The following RASAL2 variants were observed in gnomAD, a reference collection of about 807,000 sequenced individuals.
RASAL2 encodes the protein RAS protein activator like 2.
A neutral mutation model predicts 128.9 loss-of-function variants in RASAL2; 58 were observed. That is an observed-to-expected ratio of 0.45 (90% CI 0.36 to 0.56). The LOEUF is 0.56. RASAL2 is among the 20% of genes least tolerant of loss of function. The pLI is 0.00. For missense variants in RASAL2, 1,360 were observed against 1,601.6 expected, an observed-to-expected ratio of 0.85 and a Z score of 2.57; for synonymous variants, 561 against 580.8, an observed-to-expected ratio of 0.97 and a Z score of 0.49.
At chr1:178,386,031 T>G (rs779613842) in intron 3 of RASAL2, among the ~76,000 whole-genome samples, 3 of 152,186 alleles carry the variant, frequency 2.0e-5, no homozygotes, top group African/African-American at 4.8e-5. Flanking sequence ...CTCAAATACA[T>G]GATAGGAATT....
intron 9 of RASAL2, among the ~76,000 whole-genome samples, chr1:178,446,611 TTTCTAA>T (rs1677017872): frequency 6.6e-6 from 1 of 152,220 alleles, no homozygotes; most frequent in African/African-American, 2.4e-5. Context: ...GCACAAGCCA[TTTCTAA>T]TGCTCAACAG....
chr1:178,100,334 G>C (rs1302978003), intron 1 of RASAL2, among the ~76,000 whole-genome samples: 1 of 148,616 alleles, frequency 6.7e-6, no homozygotes, highest in Non-Finnish European at 1.5e-5. Flanking sequence ...TGGCCAACAT[G>C]GTGAAACCTT....
chr1:178,277,147 C>CAAAAAAAAAA (rs61384367), intron 1 of RASAL2, among the ~76,000 whole-genome samples: 1 of 55,142 alleles, frequency 1.8e-5, no homozygotes, highest in Non-Finnish European at 3.5e-5. Flanking sequence ...GATTCCCTCT[C>CAAAAAAAAAA]AAAAAAAAAA....
intron 2 of RASAL2, among the ~76,000 whole-genome samples, chr1:178,292,628 C>T (rs909773656): frequency 1.3e-5 from 2 of 152,134 alleles, no homozygotes; most frequent in South Asian, 4.1e-4. Flanking sequence ...GGCTTGATAC[C>T]AGCCCAGTTC....
At chr1:178,175,321 T>C (rs1661844495) in intron 1 of RASAL2, among the ~76,000 whole-genome samples, 1 of 151,990 alleles carries the variant, frequency 6.6e-6, no homozygotes, top group African/African-American at 2.4e-5. Flanking sequence ...GGGTTTATGA[T>C]GAAAGGGAGA....
At chr1:178,430,358 GA>G (rs1417256296) in intron 5 of RASAL2, among the ~76,000 whole-genome samples, 1 of 151,996 alleles carries the variant, frequency 6.6e-6, no homozygotes, top group African/African-American at 2.4e-5. Flanking sequence ...AAACCCAATT[GA>G]AGTATCTAAT....
intron 1 of RASAL2, among the ~76,000 whole-genome samples, chr1:178,162,487 A>G (rs1456887258): frequency 1.6e-5 from 2 of 124,748 alleles, no homozygotes; most frequent in Non-Finnish European, 3.2e-5. Flanking sequence ...TATTTTATAT[A>G]ATATATATAT....
At chr1:178,281,417 A>T (rs1666778104) in intron 1 of RASAL2, among the ~76,000 whole-genome samples, 1 of 152,126 alleles carries the variant, frequency 6.6e-6, no homozygotes, top group Non-Finnish European at 1.5e-5. Context: ...AGAATATTAG[A>T]CAGTGAGGCT....
intron 1 of RASAL2, among the ~76,000 whole-genome samples, chr1:178,225,018 C>CATG (rs1663739890): frequency 6.6e-6 from 1 of 152,040 alleles, no homozygotes; most frequent in Non-Finnish European, 1.5e-5. Flanking sequence ...TTAAGCAGGT[C>CATG]ATGGAATCCT....
intron 1 of RASAL2, among the ~76,000 whole-genome samples, chr1:178,240,839 A>C (rs1053646245): frequency 6.6e-6 from 1 of 151,524 alleles, no homozygotes; most frequent in African/African-American, 2.4e-5. Flanking sequence ...GAATTATTTT[A>C]TTATAATGTT....
At chr1:178,108,407 A>G (rs1169660185) in intron 1 of RASAL2, among the ~76,000 whole-genome samples, 3 of 152,220 alleles carry the variant, frequency 2.0e-5, no homozygotes, top group Non-Finnish European at 4.4e-5. Flanking sequence ...GATGATAATG[A>G]GAAAACTTGT....
chr1:178,422,918 A>G (rs1446425723), intron 5 of RASAL2, among the ~76,000 whole-genome samples: 1 of 152,100 alleles, frequency 6.6e-6, no homozygotes. Context: ...GTAAAGAGAA[A>G]AAGAACTAAA....
At chr1:178,163,651 A>G (rs768693032) in intron 1 of RASAL2, among the ~76,000 whole-genome samples, 21 of 152,114 alleles carry the variant, frequency 1.4e-4, no homozygotes, top group Admixed American at 2.6e-4. Context: ...TGTCTATCCT[A>G]TGTTTGTACC....
Position 178,445,567 on chromosome 1 carries a change from A to C in RASAL2, c.1532A>C (p.His511Pro). The C allele has an allele frequency of 6.2e-7, 1 of 1,613,888 alleles. No individual in the cohort carries two copies. Among genetic ancestry groups the C allele is most frequent in the Non-Finnish European group, 8.5e-7 (1 of 1,179,788 alleles). Reference sequence around the variant, plus strand: ...TCTGAGGTGGATCGTTGTGGAGAGCATGATGTCTTGATCTTCAGAGAGAAC... The same window carrying C: ...TCTGAGGTGGATCGTTGTGGAGAGCCTGATGTCTTGATCTTCAGAGAGAAC... Reference protein sequence around the residue: ...VMSEVDRCGEHDVLIFRENTI... With the variant: ...VMSEVDRCGEPDVLIFRENTI... Residue 511 changes from histidine to proline, a missense_variant, in exon 9 of 18, where the codon CAT (histidine) becomes CCT (proline). Around this residue, in one of 3 missense-constraint regions of RASAL2, gnomAD observed 617 missense variants for 714.2 expected, o/e 0.86. Transcript: ENST00000367649.
intron 1 of RASAL2, among the ~76,000 whole-genome samples, chr1:178,095,076 C>T (rs1168386994): frequency 2.0e-5 from 3 of 152,136 alleles, no homozygotes; most frequent in Non-Finnish European, 4.4e-5. Flanking sequence ...TGAGGCAAGA[C>T]TGGAAACCAA....
At chr1:178,300,918 T>C (rs890822236) in intron 3 of RASAL2, among the ~76,000 whole-genome samples, 2 of 152,206 alleles carry the variant, frequency 1.3e-5, no homozygotes, top group African/African-American at 4.8e-5. Flanking sequence ...TAGTGAACCA[T>C]AGACTTTTGA....
chr1:178,373,206 A>T (rs549700497), intron 3 of RASAL2, among the ~76,000 whole-genome samples: 1 of 147,008 alleles, frequency 6.8e-6, no homozygotes, highest in South Asian at 2.1e-4. Flanking sequence ...TTATTTGAAA[A>T]TCTTTCTTAT....
chr1:178,358,237 T>TAAAAAAAAAAA (rs71567191), intron 3 of RASAL2, among the ~76,000 whole-genome samples: 1 of 34,774 alleles, frequency 2.9e-5, no homozygotes, highest in African/African-American at 6.6e-5. Context: ...CTCTGTCTCC[T>TAAAAAAAAAAA]AAAAAAAAAA....
intron 1 of RASAL2, among the ~76,000 whole-genome samples, chr1:178,101,477 C>G (rs1658896178): frequency 6.6e-6 from 1 of 152,144 alleles, no homozygotes; most frequent in African/African-American, 2.4e-5. Context: ...AGCAGACTTT[C>G]TAAAAGTACC....
Sources: gnomAD v4.1 joint callset for allele counts (sites outside exome capture counted in the v4.1 genomes callset) on GRCh38, gnomAD v4.1.1 for gene constraint, gnomAD v4.1.1 regional missense constraint, MANE v1.5 for transcripts, NCBI Gene and HGNC (gene_info 2026-07-23, HGNC 2026-07-21) for gene names.